ATP8B4: variants seen among roughly 807,000 people sequenced by gnomAD.
The protein encoded by ATP8B4 is ATPase phospholipid transporting 8B4 (putative), also known as probable phospholipid-transporting ATPase IM.
In ATP8B4, 133 loss-of-function variants were observed where a neutral mutation model predicts 145.6. The observed-to-expected ratio is 0.91, with a 90% CI of 0.79 to 1.05. The LOEUF is 1.05. ATP8B4 is among the 50% of genes least tolerant of loss of function. The pLI is 0.00. For synonymous variants in ATP8B4, 507 were observed against 492.9 expected (o/e 1.03, Z -0.38); for missense variants, 1,458 against 1,425.2 (o/e 1.02, Z -0.37).
At position 49,920,253 on chromosome 15, in the gene ATP8B4, T is replaced by C; in HGVS notation, c.1916A>G (p.Asp639Gly). Reference sequence around the variant, plus strand: ...ATGCTTCTAAACTCATACCATCAAATCTCTTTCAATTTCTTCATATAGCCC... The same window carrying C: ...ATGCTTCTAAACTCATACCATCAAACCTCTTTCAATTTCTTCATATAGCCC... ...IAGLYEEIER[D>G]LMLLGATAVE... The change falls in exon 18 of 28, where the codon GAT (aspartate) becomes GGT (glycine). Residue 639 changes from aspartate (D) to glycine (G), a missense_variant. Asp to Gly is a moderately conservative substitution (Grantham distance 94). Transcript: ENST00000284509. The C allele has an allele frequency of 6.2e-7, 1 of 1,613,942 alleles. No homozygotes were observed. Among genetic ancestry groups the C allele is most frequent in the African/African-American group, 1.3e-5 (1 of 75,048 alleles).
rs115726949 is a variant in ATP8B4 at position 50,071,983 on chromosome 15, C to T, written c.87+2144G>A. ...ACAAGTTTGCATGACTAGCACAGCA[C>T]GAAAAAAGAGAAATTTAAGCTACCT... On this transcript the variant is annotated intron_variant, in intron 3 of 27. Coordinates refer to ENST00000284509, the MANE Select transcript of ATP8B4 (RefSeq NM_024837.4). Among the ~76,000 whole-genome samples the T allele has an allele frequency of 2.4e-3, 365 of 150,648 alleles. 2 individuals are homozygous for T. Among genetic ancestry groups the T allele is most frequent in the African/African-American group, 4.2e-3 (172 of 41,048 alleles).
chr15:50,164,450 G>A lies in ATP8B4; in HGVS notation c.-43+17811C>T, dbSNP rs1269023316. On this transcript the variant is annotated intron_variant, in intron 1 of 3. Coordinates refer to the ATP8B4 transcript ENST00000558829. ...TCTGGGAGCTAGGGCCTAGAATGGGGACCTCAGGTCCCTGCCTGTGTCTTA... is the reference window on the plus strand; with the variant it reads ...TCTGGGAGCTAGGGCCTAGAATGGGAACCTCAGGTCCCTGCCTGTGTCTTA... 2.6e-5 allele frequency among the ~76,000 whole-genome samples: 4 copies of A among 152,070 alleles called. No homozygotes were observed. In the East Asian group the frequency reaches 7.7e-4, roughly 29 times the overall value.
At chr15:50,011,141 C>G (rs1195783186) in intron 6 of ATP8B4, among the ~76,000 whole-genome samples, 1 of 152,076 alleles carries the variant, frequency 6.6e-6, no homozygotes, top group Non-Finnish European at 1.5e-5. Flanking sequence ...GGGCTAAACT[C>G]AAATGCTAAA....
intron 2 of ATP8B4, among the ~76,000 whole-genome samples, chr15:50,105,958 A>G (rs1174425963): frequency 6.6e-6 from 1 of 152,062 alleles, no homozygotes; most frequent in Non-Finnish European, 1.5e-5. Context: ...ATAATTCTAG[A>G]CTCCTGATTA....
upstream of ATP8B4, among the ~76,000 whole-genome samples, chr15:50,122,034 T>G (rs2057275335): frequency 1.3e-5 from 2 of 152,192 alleles, no homozygotes; most frequent in Admixed American, 1.3e-4. Context: ...TTCTTAAGAA[T>G]CTGAAACCAC....
intron 20 of ATP8B4, chr15:49,901,695 G>A: frequency 3.2e-6 from 1 of 307,770 alleles, no homozygotes; most frequent in Non-Finnish European, 6.4e-6. Flanking sequence ...ATCAATTTGA[G>A]GTACAATGTA....
At chr15:49,878,484 A>G (rs1159704870) in intron 24 of ATP8B4, among the ~76,000 whole-genome samples, 1 of 152,224 alleles carries the variant, frequency 6.6e-6, no homozygotes, top group Non-Finnish European at 1.5e-5. Context: ...AAATAGGTCT[A>G]ACAACAGCCT....
rs115279365 is a variant in ATP8B4, at chr15:49,878,745, T to C, written c.2781+631A>G. Among the ~76,000 whole-genome samples the C allele has an allele frequency of 7.2e-3, 1,101 of 152,290 alleles. 10 individuals are homozygous for C. The highest frequency in any genetic ancestry group is 0.025 in the African/African-American group (1,034 of 41,556). ...TTGATGCTGGGACAAAAGAAATCCA[T>C]GCTCTTTCTTTCCTTGGCCATGGAG... On this transcript the variant is annotated intron_variant, in intron 24 of 27. Coordinates refer to ENST00000284509, the MANE Select transcript of ATP8B4 (RefSeq NM_024837.4).
chr15:49,908,088 A>G (rs771154529), intron 20 of ATP8B4: 11 of 455,958 alleles, frequency 2.4e-5, no homozygotes, highest in Non-Finnish European at 4.4e-5. Flanking sequence ...CAGGGAAAAC[A>G]GTAATGCCTA....
intron 1 of ATP8B4, among the ~76,000 whole-genome samples, chr15:50,153,650 A>AG (rs775577544): frequency 1.4e-4 from 18 of 131,742 alleles, no homozygotes; most frequent in Admixed American, 2.3e-4. Flanking sequence ...ACACACCTTA[A>AG]GGGGAGAAAG....
chr15:49,862,470 T>A, intron 26 of ATP8B4, 95 bp from the exon 27 acceptor site: 1 of 1,371,018 alleles, frequency 7.3e-7, no homozygotes, highest in Non-Finnish European at 9.8e-7. Context: ...TTTTTTTTTT[T>A]TGAGATGGAG....
At chr15:50,021,118 T>TGATAGATAGATA (rs113258750) in intron 6 of ATP8B4, among the ~76,000 whole-genome samples, 290 of 146,868 alleles carry the variant, frequency 2.0e-3, no homozygotes, top group East Asian at 3.3e-3. Context: ...ATGGTGATTA[T>TGATAGATAGATA]GATAGATAGA....
chr15:50,063,030 C>A (rs904773320), intron 3 of ATP8B4, among the ~76,000 whole-genome samples: 2 of 151,674 alleles, frequency 1.3e-5, no homozygotes, highest in Non-Finnish European at 2.9e-5. Context: ...TCATTCTATC[C>A]TTCTGCTTCC....
chr15:50,054,486 A>G (rs1204351850), intron 3 of ATP8B4, among the ~76,000 whole-genome samples: 1 of 152,196 alleles, frequency 6.6e-6, no homozygotes, highest in Non-Finnish European at 1.5e-5. Flanking sequence ...ACTAGCAAAT[A>G]TATCAAAAAC....
intron 7 of ATP8B4, among the ~76,000 whole-genome samples, chr15:50,003,585 C>T (rs963778532): frequency 6.6e-6 from 1 of 151,924 alleles, no homozygotes; most frequent in Admixed American, 6.6e-5. Flanking sequence ...ATCTTATTTC[C>T]CACATTCAAA....
At chr15:50,031,751 T>C (rs1453635752) in intron 6 of ATP8B4, among the ~76,000 whole-genome samples, 1 of 151,830 alleles carries the variant, frequency 6.6e-6, no homozygotes, top group Non-Finnish European at 1.5e-5. Context: ...CAGCAAATTA[T>C]AAATCTCTTG....
intron 13 of ATP8B4, among the ~76,000 whole-genome samples, chr15:49,968,848 T>C (rs971518050): frequency 2.0e-5 from 3 of 152,198 alleles, no homozygotes; most frequent in Admixed American, 6.6e-5. Context: ...ATTGCATTTA[T>C]TCTAAACCTG....
chr15:49,874,261 T>G (rs2034064765), intron 25 of ATP8B4, among the ~76,000 whole-genome samples: 1 of 152,218 alleles, frequency 6.6e-6, no homozygotes, highest in Admixed American at 6.5e-5. Flanking sequence ...ATAATTGATT[T>G]CTATTCCACT....
At chr15:50,101,659 C>T (rs1161453593) in intron 2 of ATP8B4, among the ~76,000 whole-genome samples, 1 of 152,084 alleles carries the variant, frequency 6.6e-6, no homozygotes, top group Non-Finnish European at 1.5e-5. Flanking sequence ...CTTTAGTACT[C>T]TACTAACAGC....
Sources: gnomAD v4.1 joint callset for allele counts (sites outside exome capture counted in the v4.1 genomes callset) on GRCh38, gnomAD v4.1.1 for gene constraint, MANE v1.5 for transcripts, NCBI Gene and HGNC (gene_info 2026-07-23, HGNC 2026-07-21) for gene names.